Variants in UBE3B observed in about 807,000 individuals in gnomAD.
UBE3B encodes ubiquitin-protein ligase E3B.
Under a neutral mutation model 132.3 loss-of-function variants are expected in UBE3B, and 80 were observed. The observed-to-expected ratio is 0.60, with a 90% CI of 0.50 to 0.73. UBE3B has a LOEUF of 0.73. UBE3B is among the 30% of genes least tolerant of loss of function. The pLI is 0.00. For missense variants in UBE3B, 1,196 were observed against 1,362.5 expected (o/e 0.88, Z 1.92); for synonymous variants, 487 against 520.4 (o/e 0.94, Z 0.87).
chr12:109,510,375 C>G lies in UBE3B; in HGVS notation c.1773C>G (p.Phe591Leu). Reference protein sequence around the residue: ...ENAKGETLELFQSVHGWLMVL... With the variant: ...ENAKGETLELLQSVHGWLMVL... ...CCAAGGGTGAGACCTTGGAGCTGTT[C>G]CAGTCTGTCCACGGGTGGCTTATGG... Residue 591 changes from phenylalanine to leucine, a missense_variant, in exon 17 of 28, where the codon TTC (phenylalanine) becomes TTG (leucine). Transcript: ENST00000342494. 4 of 1,611,780 alleles carry G rather than the reference C, an allele frequency of 2.5e-6. No homozygotes were observed. Among genetic ancestry groups the G allele is most frequent in the Non-Finnish European group, 3.4e-6 (4 of 1,179,122 alleles).
intron 18 of UBE3B, among the ~76,000 whole-genome samples, chr12:109,516,546 C>T (rs1002737552): frequency 1.3e-5 from 2 of 152,090 alleles, no homozygotes; most frequent in Non-Finnish European, 2.9e-5. Context: ...CTTTCCGGAA[C>T]GTTTTTTGCT....
At chr12:109,513,809 C>G (rs879523343) in intron 18 of UBE3B, among the ~76,000 whole-genome samples, 1 of 152,088 alleles carries the variant, frequency 6.6e-6, no homozygotes. Flanking sequence ...CTTCCTGCTC[C>G]GTGATTGCAG....
At chr12:109,528,727 G>A (rs979322842) in intron 24 of UBE3B, among the ~76,000 whole-genome samples, 2 of 151,980 alleles carry the variant, frequency 1.3e-5, no homozygotes, top group African/African-American at 4.8e-5. Flanking sequence ...GGTGGCAGGC[G>A]CTGTAATGTC....
chr12:109,533,047 G>A lies in UBE3B; in HGVS notation c.2923-419G>A, dbSNP rs141766317. Among the ~76,000 whole-genome samples the A allele has an allele frequency of 9.5e-4, 144 of 152,230 alleles. 1 individual carries two copies. In the East Asian group the frequency reaches 0.022, roughly 24 times the overall value. ...AGTGGGTGCCACCAGCCTCCGCCTC[G>A]CCCTCACCGTCTCCCATTTTCTCCT... On this transcript the variant is annotated intron_variant, in intron 26 of 27. Coordinates refer to ENST00000342494, the MANE Select transcript of UBE3B (RefSeq NM_130466.4).
chr12:109,485,099 T>C (rs1483265406), intron 4 of UBE3B, among the ~76,000 whole-genome samples: 1 of 152,222 alleles, frequency 6.6e-6, no homozygotes, highest in African/African-American at 2.4e-5. Flanking sequence ...TTTTTAAATA[T>C]CCTGCAAATC....
At chr12:109,510,909 G>A (rs973547755) in intron 17 of UBE3B, among the ~76,000 whole-genome samples, 1 of 152,162 alleles carries the variant, frequency 6.6e-6, no homozygotes, top group Non-Finnish European at 1.5e-5. Flanking sequence ...CAAGCTTTAT[G>A]GCAACTGCTG....
intron 10 of UBE3B, 72 bp downstream of exon 10, chr12:109,497,995 A>G (rs773146357): frequency 6.5e-7 from 1 of 1,529,038 alleles, no homozygotes; most frequent in Non-Finnish European, 9.0e-7. Flanking sequence ...ATTAGAAAGT[A>G]AAATGGCTTC....
At chr12:109,496,169 G>A (rs576973581) in intron 9 of UBE3B, among the ~76,000 whole-genome samples, 1 of 152,310 alleles carries the variant, frequency 6.6e-6, no homozygotes, top group Non-Finnish European at 1.5e-5. Flanking sequence ...CACATCATAT[G>A]TGGTCTTTTG....
chr12:109,541,835 C>T, the UBE3B span, among the ~76,000 whole-genome samples: 2 of 152,296 alleles, frequency 1.3e-5, no homozygotes, highest in South Asian at 4.1e-4. Context: ...CCATCTCTGC[C>T]TCCATCCCCA....
At chr12:109,537,164 A>G (rs1883483670), downstream of UBE3B, among the ~76,000 whole-genome samples, 1 of 152,146 alleles carries the variant, frequency 6.6e-6, no homozygotes. Context: ...GTAACTTTCA[A>G]AAGTGATCAA....
rs1882089454 is a variant in UBE3B, at chr12:109,524,503, G to A, written c.2568G>A (p.Gln856=). 1.2e-6 allele frequency: 2 copies of A among 1,614,052 alleles called. No homozygotes were observed. Among genetic ancestry groups the A allele is most frequent in the Non-Finnish European group, 1.7e-6 (2 of 1,179,922 alleles). ...CTTACGACGAGGACGTCATGGGTCA[G>A]GTAGGTCCGCCCTTTGGCTGAGCTC... ...TLSYDEDVMG[Q]LVCHELIPGG... The change falls in exon 23 of 28, where the codon CAG becomes CAA. Residue 856 remains glutamine (Q), a splice_region_variant and synonymous_variant. Coordinates refer to ENST00000342494, the MANE Select transcript of UBE3B (RefSeq NM_130466.4).
At chr12:109,520,751 T>TTTTTTTC (rs1412971603) in intron 19 of UBE3B, 1 of 158,616 alleles carries the variant, frequency 6.3e-6, no homozygotes, top group Non-Finnish European at 1.4e-5. Context: ...TGATTTTTTT[T>TTTTTTTC]TTTTTTCTTT....
chr12:109,486,703 T>G (rs1456951445), intron 6 of UBE3B, 128 bp downstream of exon 6: 2 of 763,572 alleles, frequency 2.6e-6, no homozygotes, highest in African/African-American at 1.8e-5. Flanking sequence ...GCCACTGTTC[T>G]GGAAGAGAGG....
intron 15 of UBE3B, chr12:109,509,119 A>G (rs891057023): frequency 6.6e-6 from 1 of 152,276 alleles, no homozygotes; most frequent in African/African-American, 2.4e-5. Context: ...GGATAATATA[A>G]TGAACCCTCA....
At chr12:109,506,847 A>G (rs1879752005) in intron 14 of UBE3B, among the ~76,000 whole-genome samples, 1 of 152,228 alleles carries the variant, frequency 6.6e-6, no homozygotes, top group Non-Finnish European at 1.5e-5. Flanking sequence ...TATTTTTGTA[A>G]CAAATAGCTG....
At chr12:109,503,984 AG>A (rs1240141249) in intron 14 of UBE3B, among the ~76,000 whole-genome samples, 1 of 152,242 alleles carries the variant, frequency 6.6e-6, no homozygotes, top group African/African-American at 2.4e-5. Flanking sequence ...GAGGATACAG[AG>A]GTGAAAGAGA....
rs1875840198 is a variant in UBE3B at position 109,483,531 on chromosome 12, G to A, written c.-21G>A. The A allele has an allele frequency of 1.3e-6, 2 of 1,538,642 alleles. No homozygotes were observed. The highest frequency in any genetic ancestry group is 2.3e-5 in the East Asian group (1 of 43,974). The stretch of plus-strand genomic sequence containing the variant: ...ACCCACTTGCCCATTTTCCTTGCAG[G>A]GTTTGTGCAAGTTTGCAAACATGTT... On this transcript the variant is annotated splice_region_variant and 5_prime_UTR_variant, in exon 3 of 28. Coordinates refer to ENST00000342494, the MANE Select transcript of UBE3B (RefSeq NM_130466.4).
At position 109,535,949 on chromosome 12, in the gene UBE3B, C is replaced by T. The variant is rs1217371210; in HGVS notation, c.*1167C>T. 3 of 152,320 alleles carry T rather than the reference C, an allele frequency of 2.0e-5. No homozygotes were observed. The highest frequency in any genetic ancestry group is 7.2e-5 in the African/African-American group (3 of 41,446). 9.4% of individuals were successfully genotyped at this position (152,320 alleles called of 1,614,324 possible). ...TGTGGTCTGTGTTGACAGCCACCCACCCTCTCCCACCTCATGCTCCTGCAC... is the reference window on the plus strand; with the variant it reads ...TGTGGTCTGTGTTGACAGCCACCCATCCTCTCCCACCTCATGCTCCTGCAC... On this transcript the variant is annotated 3_prime_UTR_variant, in exon 28 of 28. Transcript: ENST00000342494.
chr12:109,490,437 TG>T, intron 8 of UBE3B: 1 of 1,534,206 alleles, frequency 6.5e-7, no homozygotes, highest in Non-Finnish European at 8.7e-7. Flanking sequence ...AAAGGTACAA[TG>T]GAAGTCTTGA....
Sources: allele counts gnomAD v4.1 joint callset (sites outside exome capture counted in the v4.1 genomes callset), GRCh38; gene constraint gnomAD v4.1.1; transcripts MANE v1.5; gene names NCBI Gene and HGNC (gene_info 2026-07-23, HGNC 2026-07-21).